The following CCR3 variants were observed in gnomAD, a reference collection of about 807,000 sequenced individuals.
The protein encoded by CCR3 is C-C chemokine receptor type 3.
For missense variants in CCR3, 419 were observed against 437.5 expected, an observed-to-expected ratio of 0.96 and a Z score of 0.38; for synonymous variants, 203 against 179.2, an observed-to-expected ratio of 1.13 and a Z score of -1.06.
chr3:46,240,683 G>A (rs9842716), upstream of CCR3, among the ~76,000 whole-genome samples: 66,707 of 151,936 alleles, frequency 0.44, 14,768 homozygotes, highest in African/African-American at 0.47. Flanking sequence ...ACTATGATAA[G>A]TATTTTCATG....
chr3:46,243,033 A>ACACACACAC (rs1700124239), intron 1 of CCR3, among the ~76,000 whole-genome samples: 2 of 148,998 alleles, frequency 1.3e-5, no homozygotes, highest in African/African-American at 4.9e-5. Context: ...TTATATATAC[A>ACACACACAC]AAGTCCTCCC....
intron 1 of CCR3, among the ~76,000 whole-genome samples, chr3:46,253,078 C>A (rs1700348639): frequency 1.3e-5 from 2 of 152,052 alleles, no homozygotes; most frequent in South Asian, 4.2e-4. Flanking sequence ...GGGTTATAAG[C>A]TGGGGATTTT....
At chr3:46,254,808 C>A (rs150196825) in intron 1 of CCR3, among the ~76,000 whole-genome samples, 1 of 152,078 alleles carries the variant, frequency 6.6e-6, no homozygotes, top group Non-Finnish European at 1.5e-5. Context: ...GCTGCAAATG[C>A]CATTATTTCA....
intron 2 of CCR3, among the ~76,000 whole-genome samples, chr3:46,228,755 C>T (rs946969309): frequency 2.0e-5 from 3 of 152,220 alleles, no homozygotes; most frequent in African/African-American, 7.2e-5. Context: ...CTTGCGTTGC[C>T]TTAATCCTCA....
intron 2 of CCR3, among the ~76,000 whole-genome samples, chr3:46,232,553 T>C (rs567173984): frequency 3.9e-4 from 60 of 152,302 alleles, no homozygotes; most frequent in African/African-American, 1.4e-3. Flanking sequence ...TGCTCAGTCA[T>C]TGGAAGCACA....
intron 1 of CCR3, among the ~76,000 whole-genome samples, chr3:46,246,163 A>G (rs933782247): frequency 2.0e-5 from 3 of 152,220 alleles, no homozygotes; most frequent in Non-Finnish European, 2.9e-5. Flanking sequence ...AGTAAAAATT[A>G]TTCTACTCCA....
At chr3:46,249,539 T>G (rs1427789305) in intron 1 of CCR3, among the ~76,000 whole-genome samples, 1 of 152,152 alleles carries the variant, frequency 6.6e-6, no homozygotes, top group African/African-American at 2.4e-5. Flanking sequence ...TGATGGTCTA[T>G]GGGGCTTCCG....
At chr3:46,233,686 C>A (rs1359385837) in intron 2 of CCR3, among the ~76,000 whole-genome samples, 4 of 152,174 alleles carry the variant, frequency 2.6e-5, no homozygotes, top group Non-Finnish European at 4.4e-5. Context: ...TCAAAAATTT[C>A]TTTCCCGTGG....
intron 1 of CCR3, among the ~76,000 whole-genome samples, chr3:46,262,640 T>A (rs1700547204): frequency 6.6e-6 from 1 of 152,016 alleles, no homozygotes; most frequent in Non-Finnish European, 1.5e-5. Context: ...TTTAATTTTT[T>A]AATTTTTAAT....
chr3:46,261,797 C>A (rs1472992094), intron 1 of CCR3, among the ~76,000 whole-genome samples: 5 of 152,216 alleles, frequency 3.3e-5, no homozygotes, highest in East Asian at 1.9e-4. Context: ...AGCAGCCTTG[C>A]CTCAGTGCCT....
intron 1 of CCR3, among the ~76,000 whole-genome samples, chr3:46,262,194 A>C (rs1306514242): frequency 6.6e-6 from 1 of 152,278 alleles, no homozygotes; most frequent in African/African-American, 2.4e-5. Context: ...ATCATTGTTC[A>C]AATGAATGAA....
chr3:46,237,803 A>G (rs1315225408), upstream of CCR3, among the ~76,000 whole-genome samples: 1 of 152,184 alleles, frequency 6.6e-6, no homozygotes, highest in African/African-American at 2.4e-5. Context: ...TTTAATACCA[A>G]CGCCATGCTG....
chr3:46,215,117 T>C (rs544742040), intron 2 of CCR3, among the ~76,000 whole-genome samples: 61 of 152,310 alleles, frequency 4.0e-4, no homozygotes, highest in African/African-American at 1.5e-3. Context: ...ATGATCCTTG[T>C]ACTCCAAACC....
chr3:46,226,593 T>C (rs1272894581), intron 2 of CCR3, among the ~76,000 whole-genome samples: 2 of 152,168 alleles, frequency 1.3e-5, no homozygotes, highest in African/African-American at 4.8e-5. Flanking sequence ...CTTTCCTAAA[T>C]AATAGGGACA....
upstream of CCR3, chr3:46,242,344 T>C (rs1456016583): frequency 6.6e-6 from 1 of 152,176 alleles, no homozygotes; most frequent in African/African-American, 2.4e-5. Flanking sequence ...GGAAGTTATA[T>C]ACTTACATTG....
At chr3:46,249,586 CAAG>C (rs959147101) in intron 1 of CCR3, among the ~76,000 whole-genome samples, 1 of 152,094 alleles carries the variant, frequency 6.6e-6, no homozygotes, top group African/African-American at 2.4e-5. Flanking sequence ...GCCGCTAAGC[CAAG>C]AAGGAGTCAG....
chr3:46,246,881 G>T (rs991460064), intron 1 of CCR3, among the ~76,000 whole-genome samples: 3 of 152,082 alleles, frequency 2.0e-5, no homozygotes, highest in Admixed American at 2.0e-4. Flanking sequence ...ACCTAGAGTG[G>T]GAGAGATTAA....
chr3:46,259,645 A>G (rs1700487164), intron 1 of CCR3, among the ~76,000 whole-genome samples: 1 of 152,172 alleles, frequency 6.6e-6, no homozygotes, highest in African/African-American at 2.4e-5. Context: ...CTCTCTTTTT[A>G]TAATATAAGG....
chr3:46,264,576 A>G (rs1700583109), intron 1 of CCR3: 6 of 646,214 alleles, frequency 9.3e-6, no homozygotes, highest in South Asian at 1.8e-5. Flanking sequence ...TACTTGTTAG[A>G]GGATTTTGAA....
Sources: gnomAD v4.1 joint callset for allele counts (sites outside exome capture counted in the v4.1 genomes callset) on GRCh38, gnomAD v4.1.1 for gene constraint, MANE v1.5 for transcripts, NCBI Gene and HGNC (gene_info 2026-07-23, HGNC 2026-07-21) for gene names.